The following EXOSC10 variants were observed in gnomAD, a reference collection of about 807,000 sequenced individuals.
EXOSC10 encodes exosome complex component 10.
A neutral mutation model predicts 126.6 loss-of-function variants in EXOSC10; 94 were observed. That is an observed-to-expected ratio of 0.74 (90% CI 0.63 to 0.88). EXOSC10 has a LOEUF of 0.88. EXOSC10 is among the 40% of genes least tolerant of loss of function. The pLI is 0.00. For missense variants in EXOSC10, 1,041 were observed against 1,100.5 expected (o/e 0.95, Z 0.77); for synonymous variants, 395 against 400.8 (o/e 0.99, Z 0.17).
chr1:11,075,637 A>G (rs1157663261), intron 17 of EXOSC10, among the ~76,000 whole-genome samples: 1 of 152,164 alleles, frequency 6.6e-6, no homozygotes, highest in African/African-American at 2.4e-5. Context: ...TATGTAATTA[A>G]GTTAAAAACC....
chr1:11,086,723 G>C (rs1367458323), intron 9 of EXOSC10, among the ~76,000 whole-genome samples: 2 of 151,966 alleles, frequency 1.3e-5, no homozygotes, highest in African/African-American at 4.8e-5. Context: ...ATGACTACTG[G>C]GTACATAACG....
chr1:11,072,620 A>G (rs1423161531), intron 19 of EXOSC10: 1 of 158,112 alleles, frequency 6.3e-6, no homozygotes, highest in African/African-American at 2.4e-5. Context: ...GACACTGGGC[A>G]TAACACACAG....
rs368120959 is a variant in EXOSC10 at position 11,068,349 on chromosome 1, G to A, written c.2551-265C>T. ...CCCTGGCACCAGCACCAACACCCAC[G>A]AGGGGTGAATGCAGGCTTGTGCTGG... On this transcript the variant is annotated intron_variant, in intron 23 of 24. Transcript: ENST00000376936. The A allele has an allele frequency of 6.3e-5, 37 of 589,062 alleles. 1 individual carries two copies. Among genetic ancestry groups the A allele is most frequent in the South Asian group, 3.3e-4 (16 of 47,974 alleles). The allele number at this position is 589,062 out of a possible 1,614,324, so 36.5% of individuals were successfully genotyped here. A position where few individuals can be genotyped will look rare whatever the true frequency, so the allele number is the denominator to read the frequency against.
At chr1:11,094,017 T>C (rs369980712) in intron 3 of EXOSC10, among the ~76,000 whole-genome samples, 102 of 152,142 alleles carry the variant, frequency 6.7e-4, no homozygotes, top group African/African-American at 2.3e-3. Context: ...GAGTTCAAGG[T>C]TGCAGTGAGT....
chr1:11,099,600 G>A (rs549278211), intron 1 of EXOSC10, 121 bp downstream of exon 1: 2 of 1,134,992 alleles, frequency 1.8e-6, no homozygotes, highest in Admixed American at 3.1e-5. Context: ...GCGCGGACAG[G>A]GGCCCCGCGA....
At position 11,088,375 on chromosome 1, in the gene EXOSC10, T is replaced by C. The variant is rs184374018; in HGVS notation, c.759-177A>G. On this transcript the variant is annotated intron_variant, in intron 6 of 24. Transcript: ENST00000376936. ...CTACAAATCATAAATCAGATGATAT[T>C]TGCTCACTCTTAAAATATGATAATT... 8.0e-3 allele frequency among the ~76,000 whole-genome samples: 1,216 copies of C among 152,328 alleles called. 24 individuals are homozygous for C. The highest frequency in any genetic ancestry group is 0.028 in the African/African-American group (1,149 of 41,572).
intron 13 of EXOSC10, 150 bp downstream of exon 13, chr1:11,080,349 T>C (rs940576588): frequency 1.0e-6 from 1 of 955,232 alleles, no homozygotes; most frequent in East Asian, 2.4e-5. Flanking sequence ...GGGCAGAAAT[T>C]CTATATTCCT....
intron 2 of EXOSC10, among the ~76,000 whole-genome samples, chr1:11,097,194 A>G (rs545432868): frequency 6.6e-5 from 10 of 151,556 alleles, no homozygotes; most frequent in African/African-American, 2.4e-4. Context: ...TGGGCGACAG[A>G]GCAAGACTCC....
chr1:11,077,579 G>C, intron 15 of EXOSC10, 22 bp downstream of exon 15: 2 of 1,613,904 alleles, frequency 1.2e-6, no homozygotes, highest in Non-Finnish European at 1.7e-6. Flanking sequence ...TCCTGGGGGA[G>C]AAAACAGATC....
chr1:11,080,400 G>C lies in EXOSC10; in HGVS notation c.1637+99C>G, dbSNP rs1570814221. The C allele has an allele frequency of 2.1e-6, 3 of 1,423,492 alleles. No individual in the cohort carries two copies. In the African/African-American group the frequency reaches 4.3e-5, roughly 20 times the overall value. The allele number at this position is 1,423,492 out of a possible 1,614,324, so 88.2% of individuals were successfully genotyped here. On this transcript the variant is annotated intron_variant, in intron 13 of 24. Coordinates refer to ENST00000376936, the MANE Select transcript of EXOSC10 (RefSeq NM_001001998.3). ...CCAAGCTTGGAGCATTAATCTCTGA[G>C]TAAGCAGCCTTGGGTAATAGCAACC...
chr1:11,083,091 C>G (rs1308236127), intron 9 of EXOSC10, among the ~76,000 whole-genome samples: 3 of 152,158 alleles, frequency 2.0e-5, no homozygotes, highest in Non-Finnish European at 2.9e-5. Context: ...GTTGGGACTA[C>G]AGCGTGCCAC....
chr1:11,077,279 C>T (rs746910891), intron 16 of EXOSC10, 86 bp downstream of exon 16: 144 of 1,401,736 alleles, frequency 1.0e-4, no homozygotes, highest in Middle Eastern at 2.5e-4. Context: ...GCATAAGCCA[C>T]CACGCCCGGC....
chr1:11,072,001 C>T (rs956637741), intron 20 of EXOSC10, 86 bp downstream of exon 20: 48 of 1,091,050 alleles, frequency 4.4e-5, no homozygotes, highest in Non-Finnish European at 5.5e-5. Flanking sequence ...CTTCATTCAT[C>T]GCCGTATCTG....
intron 9 of EXOSC10, among the ~76,000 whole-genome samples, chr1:11,083,992 G>A (rs1640345983): frequency 6.6e-6 from 1 of 152,188 alleles, no homozygotes; most frequent in Non-Finnish European, 1.5e-5. Context: ...ATTCCATGGT[G>A]TATATGTGAC....
At position 11,073,914 on chromosome 1, in the gene EXOSC10, C is replaced by T; in HGVS notation, c.2157+20G>A. The stretch of plus-strand genomic sequence containing the variant: ...AAAAAAAAAAAAGTCTCTTTTAGAA[C>T]AGGTGACAAGTCCACTTACTTCATA... On this transcript the variant is annotated intron_variant, in intron 19 of 24. Transcript: ENST00000376936. The T allele has an allele frequency of 1.1e-6, 1 of 888,952 alleles. No homozygotes were observed. Among genetic ancestry groups the T allele is most frequent in the Non-Finnish European group, 1.8e-6 (1 of 549,396 alleles). The allele number at this position is 888,952 out of a possible 1,614,324, so 55.1% of individuals were successfully genotyped here.
At chr1:11,066,816 A>G in intron 24 of EXOSC10, 68 bp from the exon 25 acceptor site, 1 of 1,564,128 alleles carries the variant, frequency 6.4e-7, no homozygotes, top group Non-Finnish European at 8.8e-7. Flanking sequence ...TGGTTTACAA[A>G]ATGGTGCAAA....
rs35010059 is a variant in EXOSC10, at chr1:11,071,604, T to TC, written c.2242+482dup. On this transcript the variant is annotated intron_variant, in intron 20 of 24. Coordinates refer to ENST00000376936, the MANE Select transcript of EXOSC10 (RefSeq NM_001001998.3). ...GCCAGAGTGCCACATGTCAGTCACT[T>TC]CCCCCCGTCTGCTCAGCACCCTCCT... 39 of 101,756 alleles carry TC rather than the reference T, an allele frequency of 3.8e-4. 1 individual carries two copies. Among genetic ancestry groups the TC allele is most frequent in the African/African-American group, 6.6e-4 (25 of 37,950 alleles). 6.3% of individuals were successfully genotyped at this position (101,756 alleles called of 1,614,324 possible).
intron 9 of EXOSC10, among the ~76,000 whole-genome samples, chr1:11,086,229 C>T (rs912667229): frequency 8.6e-5 from 13 of 151,806 alleles, no homozygotes; most frequent in African/African-American, 2.4e-4. Flanking sequence ...TGGTAGAATT[C>T]GGCTGTGAAT....
intron 3 of EXOSC10, 124 bp from the exon 4 acceptor site, chr1:11,091,721 C>CG: frequency 1.4e-6 from 1 of 702,788 alleles, no homozygotes; most frequent in East Asian, 2.8e-5. Context: ...TGCAGTGGCG[C>CG]AATCTTGCCT....
Sources: allele counts gnomAD v4.1 joint callset (sites outside exome capture counted in the v4.1 genomes callset), GRCh38; gene constraint gnomAD v4.1.1; transcripts MANE v1.5; gene names NCBI Gene and HGNC (gene_info 2026-07-23, HGNC 2026-07-21).